Variants in AREL1 observed in about 807,000 individuals in gnomAD.
The protein encoded by AREL1 is apoptosis-resistant E3 ubiquitin protein ligase 1.
Under a neutral mutation model 99.0 loss-of-function variants are expected in AREL1, and 62 were observed. That is an observed-to-expected ratio of 0.63 (90% CI 0.51 to 0.77). The LOEUF (loss-of-function observed/expected upper bound fraction) is 0.77. Among genes scored for constraint, AREL1 ranks in the 30% least tolerant of loss-of-function variants. The pLI, the probability that AREL1 is intolerant of heterozygous loss-of-function variation, is 0.00. For synonymous variants in AREL1, 380 were observed against 376.5 expected (o/e 1.01, Z -0.11); for missense variants, 879 against 1,027.6 (o/e 0.86, Z 1.98).
Position 74,674,037 on chromosome 14 carries a change from T to A in AREL1, c.1155A>T (p.Thr385=). Residue 385 remains threonine (T), a synonymous_variant, in exon 9 of 20, where the codon ACA becomes ACT. Coordinates refer to ENST00000356357, the MANE Select transcript of AREL1 (RefSeq NM_001039479.2). The part of the protein sequence containing the change: ...RLYTFRVCPG[T]KFSYLGPDPV... ...CCAGATGTAAGGTTCAGCTTACTTTTGTTCCTGGACACACTCGGAAGGTGT... is the reference window on the plus strand; with the variant it reads ...CCAGATGTAAGGTTCAGCTTACTTTAGTTCCTGGACACACTCGGAAGGTGT... 1 of 1,610,682 alleles carries A rather than the reference T, an allele frequency of 6.2e-7. No individual in the cohort carries two copies. The highest frequency in any genetic ancestry group is 8.5e-7 in the Non-Finnish European group (1 of 1,176,944).
At position 74,672,942 on chromosome 14, in the gene AREL1, C is replaced by T; in HGVS notation, c.1311G>A (p.Glu437=). The change falls in exon 11 of 20, where the codon GAG becomes GAA. Residue 437 remains glutamate, a synonymous_variant. Coordinates refer to ENST00000356357, the MANE Select transcript of AREL1 (RefSeq NM_001039479.2). ...RSLHKNIGGS[E]TFQDKVNFFQ... is the part of the protein sequence containing the mutation. ...AAAAGTTCACCTTGTCCTGAAAGGT[C>T]TCAGAGCCTCCTGGGGAACAGCAAG... 2 of 1,614,158 alleles carry T rather than the reference C, an allele frequency of 1.2e-6. No homozygotes were observed. The highest frequency in any genetic ancestry group is 1.7e-6 in the Non-Finnish European group (2 of 1,180,020).
At chr14:74,664,197 G>T in intron 18 of AREL1, 123 bp from the exon 19 acceptor site, 4 of 1,089,492 alleles carry the variant, frequency 3.7e-6, no homozygotes, top group Non-Finnish European at 3.9e-6. Flanking sequence ...TGAGGACACA[G>T]GGTAGGAACA....
At chr14:74,696,542 C>G (rs545190521) in intron 1 of AREL1, among the ~76,000 whole-genome samples, 12 of 152,254 alleles carry the variant, frequency 7.9e-5, no homozygotes, top group African/African-American at 2.9e-4. Flanking sequence ...TTCTAAAGTG[C>G]TATTCTAAAA....
intron 15 of AREL1, among the ~76,000 whole-genome samples, chr14:74,668,802 T>C (rs2089264476): frequency 6.6e-6 from 1 of 152,242 alleles, no homozygotes; most frequent in African/African-American, 2.4e-5. Context: ...TATCATTTGA[T>C]GCTGTTTAAC....
intron 13 of AREL1, 64 bp from the exon 14 acceptor site, chr14:74,670,190 C>T (rs2089303461): frequency 6.9e-7 from 1 of 1,450,180 alleles, no homozygotes; most frequent in South Asian, 1.4e-5. Flanking sequence ...CTGGAAGGAC[C>T]CTTCCTTCCC....
intron 1 of AREL1, among the ~76,000 whole-genome samples, chr14:74,692,649 T>C (rs1032229378): frequency 5.9e-5 from 9 of 152,230 alleles, no homozygotes; most frequent in Non-Finnish European, 1.3e-4. Flanking sequence ...TTCTTTTTCA[T>C]GATTCAGCAT....
chr14:74,667,740 C>A lies in AREL1; in HGVS notation c.1915-146G>T. On this transcript the variant is annotated intron_variant, in intron 15 of 19. Transcript: ENST00000356357. ...TTCTGCTGTGCATTCAGCTTTTCAA[C>A]ACACTTGGTTTAATTTAGTTCCTAA... The A allele has an allele frequency of 2.8e-6, 3 of 1,058,470 alleles. No individual in the cohort carries two copies. In the South Asian group the frequency reaches 5.3e-5, roughly 19 times the overall value. The allele number at this position is 1,058,470 out of a possible 1,614,324, so 65.6% of individuals were successfully genotyped here.
rs761768548 is a variant in AREL1, at chr14:74,671,586, C to T, written c.1423-103G>A. On this transcript the variant is annotated intron_variant, in intron 11 of 19. Coordinates refer to ENST00000356357, the MANE Select transcript of AREL1 (RefSeq NM_001039479.2). Reference sequence around the variant, plus strand: ...CTGCCATTGTCTGCTGGACTAACTACGACTGCCTGAAGGAGATATGTTACT... The same window carrying T: ...CTGCCATTGTCTGCTGGACTAACTATGACTGCCTGAAGGAGATATGTTACT... The T allele has an allele frequency of 4.2e-4, 276 of 658,338 alleles. 1 individual carries two copies. The highest frequency in any genetic ancestry group is 1.1e-3 in the Admixed American group (35 of 30,638). The allele number at this position is 658,338 out of a possible 1,614,324, so 40.8% of individuals were successfully genotyped here. A position where few individuals can be genotyped will look rare whatever the true frequency, so the allele number is the denominator to read the frequency against.
intron 4 of AREL1, among the ~76,000 whole-genome samples, chr14:74,684,055 A>G (rs2089693404): frequency 6.6e-6 from 1 of 152,180 alleles, no homozygotes; most frequent in South Asian, 2.1e-4. Flanking sequence ...GGCTTTGTGG[A>G]CCGTACACAA....
intron 1 of AREL1, among the ~76,000 whole-genome samples, chr14:74,707,347 G>A (rs2090197886): frequency 6.7e-6 from 1 of 149,054 alleles, no homozygotes; most frequent in South Asian, 2.1e-4. Context: ...CAGCCTGGGT[G>A]ACAAGAGCGA....
rs2089318052 is a variant in AREL1, at chr14:74,670,806, T to C, written c.1564A>G (p.Thr522Ala). Residue 522 changes from threonine (T) to alanine (A), a missense_variant, in exon 13 of 20, where the codon ACC becomes GCC. By Grantham distance (58) the Thr-to-Ala change is moderately conservative. Coordinates refer to ENST00000356357, the MANE Select transcript of AREL1 (RefSeq NM_001039479.2). Reference protein sequence around the residue: ...ELICKALFDTTNQLFTRFSDN... With the variant: ...ELICKALFDTANQLFTRFSDN... ...CTGAACCGGGTGAAGAGCTGATTGG[T>C]GGTATCAAATAGTGCTTTGCAGATT... 6.2e-7 allele frequency: 1 copy of C among 1,614,000 alleles called. No homozygotes were observed.
At chr14:74,692,423 T>C (rs2089902372) in intron 1 of AREL1, 95 bp from the exon 2 acceptor site, 5 of 352,072 alleles carry the variant, frequency 1.4e-5, no homozygotes, top group Admixed American at 1.2e-4. Context: ...GAACAGGCAG[T>C]GGAAACCCTG....
In AREL1 at chr14:74,661,973, A is replaced by C. The variant is rs1595331927; in HGVS notation, c.*1747T>G. The C allele has an allele frequency of 6.5e-6, 1 of 152,810 alleles. No individual in the cohort carries two copies. The highest frequency in any genetic ancestry group is 1.5e-5 in the Non-Finnish European group (1 of 68,176). The allele number at this position is 152,810 out of a possible 1,614,324, so 9.5% of individuals were successfully genotyped here. On this transcript the variant is annotated 3_prime_UTR_variant, in exon 20 of 20. Transcript: ENST00000356357. ...CCCCTTTCTGGGCCCAAGGGGCAGC[A>C]TTATGTTTCCCAGGGTGGTGATAAA...
chr14:74,686,854 C>G (rs568738268), intron 2 of AREL1, among the ~76,000 whole-genome samples: 1 of 152,098 alleles, frequency 6.6e-6, no homozygotes, highest in Non-Finnish European at 1.5e-5. Flanking sequence ...AGAATTGTCA[C>G]GTGGATGAAG....
chr14:74,692,898 G>A (rs1269101238), intron 1 of AREL1, among the ~76,000 whole-genome samples: 3 of 151,968 alleles, frequency 2.0e-5, no homozygotes, highest in African/African-American at 7.3e-5. Flanking sequence ...TTGTAGAGAC[G>A]GGGTTTTGCC....
At position 74,670,079 on chromosome 14, in the gene AREL1, ATACATTTT is replaced by A. The variant is rs1298339453; in HGVS notation, c.1648_1655del (p.Lys550Ter). On this transcript the variant is annotated frameshift_variant, in exon 14 of 20. Transcript: ENST00000356357. LOFTEE classifies it high-confidence loss of function. The stretch of plus-strand genomic sequence containing the variant: ...TGCCCACGAGCCGTCCCGCAAACTC[ATACATTTT>A]CAGGCGCAGATGAGCGGGGCGATTA... 2 of 1,613,676 alleles carry A rather than the reference ATACATTTT, an allele frequency of 1.2e-6. No individual in the cohort carries two copies. The highest frequency in any genetic ancestry group is 1.7e-6 in the Non-Finnish European group (2 of 1,179,716).
chr14:74,678,179 C>T, intron 5 of AREL1: 1 of 454,496 alleles, frequency 2.2e-6, no homozygotes, highest in South Asian at 1.6e-5. Context: ...GTCAGCTTAC[C>T]AATTTCAAGA....
In AREL1 at chr14:74,684,515, T is replaced by C; in HGVS notation, c.182A>G (p.Lys61Arg). 1.9e-6 allele frequency: 3 copies of C among 1,614,078 alleles called. No individual in the cohort carries two copies. The highest frequency in any genetic ancestry group is 1.1e-5 in the South Asian group (1 of 91,074). Residue 61 changes from lysine to arginine, a missense_variant, in exon 4 of 20, where the codon AAA (lysine) becomes AGA (arginine). Lys to Arg is a conservative substitution (Grantham distance 26). Coordinates refer to ENST00000356357, the MANE Select transcript of AREL1 (RefSeq NM_001039479.2). ...RGNYLDPRSC[K>R]VSWDWKDPYE... is the part of the protein sequence containing the mutation. Reference sequence around the variant, plus strand: ...GGGGTCCTTCCAATCCCAGGAGACTTTGCAAGACCGGGGATCCAGGTAATT... The same window carrying C: ...GGGGTCCTTCCAATCCCAGGAGACTCTGCAAGACCGGGGATCCAGGTAATT...
At chr14:74,688,194 T>A (rs1348744390) in intron 2 of AREL1, among the ~76,000 whole-genome samples, 1 of 151,718 alleles carries the variant, frequency 6.6e-6, no homozygotes, top group African/African-American at 2.4e-5. Flanking sequence ...CCCAGCTAAT[T>A]TTTTGTATTT....
Sources: allele counts gnomAD v4.1 joint callset (sites outside exome capture counted in the v4.1 genomes callset), GRCh38; gene constraint gnomAD v4.1.1; transcripts MANE v1.5; gene names NCBI Gene and HGNC (gene_info 2026-07-23, HGNC 2026-07-21).